WDFY4: variants seen among roughly 807,000 people sequenced by gnomAD.
WDFY4 encodes WD repeat- and FYVE domain-containing protein 4.
WDFY4 carries 169 observed loss-of-function variants against 351.9 expected under a neutral mutation model. That is an observed-to-expected ratio of 0.48 (90% CI 0.42 to 0.55). WDFY4 has a LOEUF of 0.55. WDFY4 is among the 20% of genes least tolerant of loss of function. The pLI is 0.00. For missense variants in WDFY4, 3,803 were observed against 3,935.6 expected (o/e 0.97, Z 0.90); for synonymous variants, 1,622 against 1,574.6 (o/e 1.03, Z -0.71).
At position 48,978,301 on chromosome 10, in the gene WDFY4, T is replaced by A. The variant is rs778995188; in HGVS notation, c.9292-8T>A. 20 of 1,550,696 alleles carry A rather than the reference T, an allele frequency of 1.3e-5. No homozygotes were observed. Among genetic ancestry groups the A allele is most frequent in the Non-Finnish European group, 1.7e-5 (20 of 1,146,552 alleles). Reference sequence around the variant, plus strand: ...TCCCCGCCGATGACATTTGCTCTTTTGGGGCAGGTTTGGAAGACTGAGGAT... The same window carrying A: ...TCCCCGCCGATGACATTTGCTCTTTAGGGGCAGGTTTGGAAGACTGAGGAT... On this transcript the variant is annotated splice_region_variant and splice_polypyrimidine_tract_variant and intron_variant, in intron 59 of 61. Coordinates refer to ENST00000325239, the MANE Select transcript of WDFY4 (RefSeq NM_001394531.1).
At chr10:48,969,363 A>C in intron 56 of WDFY4, 115 bp downstream of exon 56, 2 of 1,286,980 alleles carry the variant, frequency 1.6e-6, no homozygotes, top group Non-Finnish European at 2.1e-6. Context: ...CTTTCCCTAC[A>C]AGGTGTGCTG....
intron 42 of WDFY4, among the ~76,000 whole-genome samples, chr10:48,876,039 C>T (rs964989765): frequency 2.0e-5 from 3 of 152,366 alleles, no homozygotes; most frequent in South Asian, 4.1e-4. Flanking sequence ...TGGCCATGGG[C>T]TGCTGTGTCC....
chr10:48,866,276 T>C (rs915738304), intron 39 of WDFY4, among the ~76,000 whole-genome samples: 26 of 152,266 alleles, frequency 1.7e-4, no homozygotes, highest in Non-Finnish European at 2.9e-4. Context: ...CGTGTTTTGG[T>C]ATGTTGTGTC....
At position 48,796,429 on chromosome 10, in the gene WDFY4, G is replaced by A; in HGVS notation, c.4389G>A (p.Gln1463=). 2.6e-6 allele frequency: 4 copies of A among 1,551,670 alleles called. No homozygotes were observed. The highest frequency in any genetic ancestry group is 3.5e-6 in the Non-Finnish European group (4 of 1,147,048). Residue 1463 remains glutamine (Q), a synonymous_variant, in exon 24 of 62, where the codon CAG becomes CAA. Coordinates refer to ENST00000325239, the MANE Select transcript of WDFY4 (RefSeq NM_001394531.1). ...CTATCACCAACACTGGTGTCTTCCA[G>A]CACATCCTCTGCAATTTCGAGGTAA... ...SSAITNTGVF[Q]HILCNFELWM... is the part of the protein sequence containing the mutation.
At chr10:48,923,505 T>C (rs1839290228) in intron 47 of WDFY4, among the ~76,000 whole-genome samples, 1 of 141,512 alleles carries the variant, frequency 7.1e-6, no homozygotes, top group Non-Finnish European at 1.5e-5. Context: ...AGTATATATA[T>C]ATATATATGT....
At chr10:48,982,064 G>A (rs770461319) in intron 61 of WDFY4, among the ~76,000 whole-genome samples, 4 of 152,216 alleles carry the variant, frequency 2.6e-5, no homozygotes, top group East Asian at 1.9e-4. Context: ...GGGCTGTTCC[G>A]GGGTCCTTGG....
Position 48,852,980 on chromosome 10 carries a change from C to G in WDFY4, c.6664-14285C>G, listed in dbSNP as rs377685783. 1.0e-3 allele frequency among the ~76,000 whole-genome samples: 159 copies of G among 152,292 alleles called. 1 individual carries two copies. The South Asian group carries it at 0.021, about 20-fold the overall frequency. ...GTTTAATCACTCGTCTGAAATGATT[C>G]TTGCAGAAATTACCGAAGACCAATT... On this transcript the variant is annotated intron_variant, in intron 39 of 61. Transcript: ENST00000325239.
intron 43 of WDFY4, chr10:48,884,130 T>C (rs1371459096): frequency 2.6e-5 from 4 of 152,170 alleles, no homozygotes; most frequent in Admixed American, 1.3e-4. Context: ...ATCTGATTTT[T>C]TTTTCATACA....
intron 35 of WDFY4, chr10:48,823,534 G>A: frequency 9.1e-7 from 1 of 1,104,944 alleles, no homozygotes; most frequent in East Asian, 6.3e-5. Flanking sequence ...CTTGTCTGAT[G>A]AGCAGGTCCA....
intron 35 of WDFY4, chr10:48,824,022 A>G (rs2067915552): frequency 3.0e-6 from 3 of 985,280 alleles, no homozygotes; most frequent in Non-Finnish European, 3.6e-6. Context: ...CTTTGTGCAT[A>G]CTCTTTGTAT....
rs575270329 is a variant in WDFY4 at position 48,831,447 on chromosome 10, T to G, written c.6526+562T>G. Among the ~76,000 whole-genome samples, 35 of 152,360 alleles carry G rather than the reference T, an allele frequency of 2.3e-4. No individual in the cohort carries two copies. The South Asian group carries it at 4.6e-3, about 20-fold the overall frequency. ...TTAATTTTGTTTTCAAGGTGATCAC[T>G]GCTCTCAACTTACACCTCCTATACT... On this transcript the variant is annotated intron_variant, in intron 38 of 61. Coordinates refer to ENST00000325239, the MANE Select transcript of WDFY4 (RefSeq NM_001394531.1).
intron 45 of WDFY4, among the ~76,000 whole-genome samples, chr10:48,899,415 C>G (rs1837245079): frequency 6.6e-6 from 1 of 152,140 alleles, no homozygotes; most frequent in Non-Finnish European, 1.5e-5. Flanking sequence ...TCACTTCCAG[C>G]CAGGTAGATG....
At position 48,966,588 on chromosome 10, in the gene WDFY4, C is replaced by T; in HGVS notation, c.8499C>T (p.Val2833=). The T allele has an allele frequency of 6.4e-7, 1 of 1,552,092 alleles. No homozygotes were observed. The highest frequency in any genetic ancestry group is 8.7e-7 in the Non-Finnish European group (1 of 1,147,062). Residue 2833 remains valine, a synonymous_variant, in exon 55 of 62, where the codon GTC becomes GTT. Coordinates refer to ENST00000325239, the MANE Select transcript of WDFY4 (RefSeq NM_001394531.1). ...AAGKPLPGKD[V]STPVSLPGHP... is the part of the protein sequence containing the mutation. ...GGAAGCCTCTGCCTGGAAAGGATGT[C>T]TCCACCCCCGTGAGCCTGCCTGGCC...
chr10:48,976,286 AT>A (rs1264361713), intron 58 of WDFY4, among the ~76,000 whole-genome samples: 17 of 152,258 alleles, frequency 1.1e-4, no homozygotes, highest in African/African-American at 4.1e-4. Context: ...AAATGTGAGC[AT>A]ATCAGGAGAT....
intron 51 of WDFY4, among the ~76,000 whole-genome samples, chr10:48,956,559 C>A (rs929913212): frequency 6.6e-6 from 1 of 152,306 alleles, no homozygotes. Context: ...TGCTGCTCAC[C>A]CAAGCCTTGT....
At chr10:48,723,594 C>G (rs1195459325) in intron 5 of WDFY4, 27 bp downstream of exon 5, 2 of 1,551,218 alleles carry the variant, frequency 1.3e-6, no homozygotes. Flanking sequence ...CCTCCAATTC[C>G]CTGGGTCAAA....
intron 12 of WDFY4, among the ~76,000 whole-genome samples, chr10:48,757,524 A>C (rs939987672): frequency 2.0e-5 from 3 of 152,008 alleles, no homozygotes; most frequent in African/African-American, 7.2e-5. Context: ...TAATGATGGC[A>C]TATAGCTTTG....
At chr10:48,736,230 C>T in intron 11 of WDFY4, 160 bp downstream of exon 11, 1 of 774,946 alleles carries the variant, frequency 1.3e-6, no homozygotes, top group South Asian at 1.6e-5. Context: ...AAATAAATCC[C>T]ATATCCTCAG....
chr10:48,788,386 A>G (rs914122543), intron 20 of WDFY4, 144 bp from the exon 21 acceptor site: 50 of 1,046,380 alleles, frequency 4.8e-5, no homozygotes, highest in Non-Finnish European at 6.5e-5. Context: ...CAAACATACA[A>G]TGTGCAAAAA....
Sources: allele counts gnomAD v4.1 joint callset (sites outside exome capture counted in the v4.1 genomes callset), GRCh38; gene constraint gnomAD v4.1.1; transcripts MANE v1.5; gene names NCBI Gene and HGNC (gene_info 2026-07-23, HGNC 2026-07-21).